The following ETS1 variants were observed in gnomAD, a reference collection of about 807,000 sequenced individuals.
ETS1 encodes the protein protein C-ets-1.
In ETS1, 15 loss-of-function variants were observed where a neutral mutation model predicts 58.6. That is an observed-to-expected ratio of 0.26 (90% CI 0.17 to 0.39). ETS1 has a LOEUF of 0.39. Ranked by LOEUF, ETS1 falls within the 10% of genes least tolerant of loss-of-function variation. The pLI, the probability that ETS1 is intolerant of heterozygous loss-of-function variation, is 1.00. For missense variants in ETS1, 417 were observed against 610.5 expected (o/e 0.68, Z 3.34); for synonymous variants, 214 against 218.2 (o/e 0.98, Z 0.17).
At chr11:128,489,165 A>T in intron 5 of ETS1, 125 bp downstream of exon 5, 1 of 779,160 alleles carries the variant, frequency 1.3e-6, no homozygotes, top group Non-Finnish European at 2.3e-6. Context: ...GCACATTCCC[A>T]CATACGTCCT....
chr11:128,527,451 G>C (rs1434816440), intron 3 of ETS1: 2 of 159,696 alleles, frequency 1.3e-5, no homozygotes, highest in African/African-American at 4.8e-5. Flanking sequence ...AGGGTTCTGA[G>C]GTCTCATCCA....
chr11:128,480,230 T>C lies in ETS1; in HGVS notation c.1084A>G (p.Lys362Glu), dbSNP rs748395139. ...AGGGCAGCAGCAGGAATGACAGGCTTGTCCTTATTGAGGTCAGCACGGTCC... is the reference window on the plus strand; with the variant it reads ...AGGGCAGCAGCAGGAATGACAGGCTCGTCCTTATTGAGGTCAGCACGGTCC... ...VRDRADLNKD[K>E]PVIPAAALAG... is the part of the protein sequence containing the mutation. Residue 362 changes from lysine (K) to glutamate (E), a missense_variant, in exon 8 of 10, where the codon AAG (lysine) becomes GAG (glutamate). This residue lies in a region of ETS1 where 139 missense variants were observed against 152.1 expected (regional missense o/e 0.91). Transcript: ENST00000392668. 6.2e-7 allele frequency: 1 copy of C among 1,614,050 alleles called. No individual in the cohort carries two copies. The highest frequency in any genetic ancestry group is 8.5e-7 in the Non-Finnish European group (1 of 1,180,020).
intron 2 of ETS1, chr11:128,572,433 C>A (rs530395663): frequency 6.6e-6 from 1 of 152,250 alleles, no homozygotes; most frequent in Non-Finnish European, 1.5e-5. Context: ...AATACTGGAA[C>A]TGATCAATAT....
At chr11:128,581,706 A>G (rs919551222) in intron 1 of ETS1, among the ~76,000 whole-genome samples, 2 of 152,178 alleles carry the variant, frequency 1.3e-5, no homozygotes, top group African/African-American at 2.4e-5. Context: ...CTCTAATCCA[A>G]TGAATGCTGC....
intron 1 of ETS1, among the ~76,000 whole-genome samples, chr11:128,585,348 C>CAAGGAAGG (rs973321049): frequency 2.8e-4 from 32 of 113,188 alleles, no homozygotes; most frequent in African/African-American, 8.7e-4. Context: ...AGGAAGGAAG[C>CAAGGAAGG]AAGGAAGGAA....
chr11:128,570,877 G>A (rs1216663074), intron 2 of ETS1, among the ~76,000 whole-genome samples: 4 of 152,166 alleles, frequency 2.6e-5, no homozygotes, highest in Non-Finnish European at 4.4e-5. Flanking sequence ...CTCCTTGCCT[G>A]GACTTGTCGT....
intron 3 of ETS1, among the ~76,000 whole-genome samples, chr11:128,511,633 T>A (rs1479598050): frequency 6.6e-6 from 1 of 152,244 alleles, no homozygotes; most frequent in Non-Finnish European, 1.5e-5. Context: ...GCATAAAATA[T>A]GTGGGTGAAA....
At chr11:128,514,509 CT>C (rs1863472692) in intron 3 of ETS1, among the ~76,000 whole-genome samples, 1 of 152,166 alleles carries the variant, frequency 6.6e-6, no homozygotes, top group African/African-American at 2.4e-5. Context: ...GTTCTTACAC[CT>C]CCTTCAAATG....
chr11:128,520,858 A>C lies in ETS1; in HGVS notation c.215-30282T>G, dbSNP rs532407492. ...GTAAGCAATAAATTATGGCAGAGGC[A>C]AAGAAGTGTTAACCACAGGGGGCAG... On this transcript the variant is annotated intron_variant, in intron 3 of 9. Transcript: ENST00000392668. Among the ~76,000 whole-genome samples, 117 of 152,368 alleles carry C rather than the reference A, an allele frequency of 7.7e-4. 2 individuals are homozygous for C. In the South Asian group the frequency reaches 0.015, roughly 19 times the overall value.
At chr11:128,483,425 C>A (rs1294170447) in intron 7 of ETS1, among the ~76,000 whole-genome samples, 1 of 152,024 alleles carries the variant, frequency 6.6e-6, no homozygotes, top group Non-Finnish European at 1.5e-5. Context: ...ACAGAAAGTC[C>A]CACAAGGAAG....
intron 3 of ETS1, among the ~76,000 whole-genome samples, chr11:128,514,324 C>A (rs1257888499): frequency 6.6e-6 from 1 of 152,146 alleles, no homozygotes; most frequent in African/African-American, 2.4e-5. Context: ...CTTTCAAAGG[C>A]AAAATTCATC....
At chr11:128,572,508 G>A (rs1199001856) in intron 2 of ETS1, among the ~76,000 whole-genome samples, 1 of 152,136 alleles carries the variant, frequency 6.6e-6, no homozygotes, top group African/African-American at 2.4e-5. Context: ...CTATTGATCA[G>A]CATATAGCTT....
rs930150183 is a variant in ETS1 at position 128,474,517 on chromosome 11, C to T, written c.1123+5674G>A. On this transcript the variant is annotated intron_variant, in intron 8 of 9. Transcript: ENST00000392668. ...GAGGCAGAAACAGTGGAATTACTCA[C>T]AGGCAATAGAAAAGAGCTTTGCCTC... 8.5e-5 allele frequency among the ~76,000 whole-genome samples: 13 copies of T among 152,352 alleles called. 1 individual carries two copies. The highest frequency in any genetic ancestry group is 8.5e-4 in the Admixed American group (13 of 15,310).
In ETS1 at chr11:128,587,470, G is replaced by T. The variant is rs1180958931; in HGVS notation, c.-15+18C>A. ...AGGAAAATGGACTGAAAAGTTTTAG[G>T]CAGAAACTGACACACACCTCACTTA... On this transcript the variant is annotated intron_variant, in intron 1 of 9. Coordinates refer to ENST00000392668, the MANE Select transcript of ETS1 (RefSeq NM_001143820.2). 6.6e-6 allele frequency: 1 copy of T among 152,308 alleles called. No individual in the cohort carries two copies. The highest frequency in any genetic ancestry group is 1.5e-5 in the Non-Finnish European group (1 of 68,034). The allele number at this position is 152,308 out of a possible 1,614,324, so 9.4% of individuals were successfully genotyped here. A position where few individuals can be genotyped will look rare whatever the true frequency, so the allele number is the denominator to read the frequency against.
rs1862735841 is a variant in ETS1 at position 128,489,459 on chromosome 11, C to A, written c.366G>T (p.Arg122=). ...CATTCACAGCCCACATCACCCAGTC[C>A]CGAACATGGGTTTCTGTCCACTGCC... The part of the protein sequence containing the change: ...DPRQWTETHV[R]DWVMWAVNEF... Residue 122 remains arginine, a synonymous_variant, in exon 5 of 10, where the codon CGG becomes CGT. Transcript: ENST00000392668. 1 of 1,613,952 alleles carries A rather than the reference C, an allele frequency of 6.2e-7. No homozygotes were observed. The highest frequency in any genetic ancestry group is 8.5e-7 in the Non-Finnish European group (1 of 1,180,032).
chr11:128,480,520 A>AAAC, intron 7 of ETS1, 69 bp from the exon 8 acceptor site: 1 of 1,090,854 alleles, frequency 9.2e-7, no homozygotes, highest in South Asian at 1.4e-5. Context: ...AAAACTGTAA[A>AAAC]AACCCTCTTA....
Position 128,460,122 on chromosome 11 carries a change from C to T in ETS1, c.*2239G>A, listed in dbSNP as rs1180257557. 1.3e-5 allele frequency: 2 copies of T among 152,192 alleles called. No individual in the cohort carries two copies. Among genetic ancestry groups the T allele is most frequent in the East Asian group, 1.9e-4 (1 of 5,288 alleles). 9.4% of individuals were successfully genotyped at this position (152,192 alleles called of 1,614,324 possible). ...CACACACACACACACACACAACATT[C>T]ACACACATGCACACATTCACACACA... On this transcript the variant is annotated 3_prime_UTR_variant, in exon 10 of 10. Coordinates refer to ENST00000392668, the MANE Select transcript of ETS1 (RefSeq NM_001143820.2).
At chr11:128,514,042 G>C (rs1055951781) in intron 3 of ETS1, among the ~76,000 whole-genome samples, 9 of 152,098 alleles carry the variant, frequency 5.9e-5, no homozygotes, top group Non-Finnish European at 8.8e-5. Flanking sequence ...GGCACATAGT[G>C]GGAGACCCTA....
chr11:128,519,989 T>C (rs577046241), intron 3 of ETS1, among the ~76,000 whole-genome samples: 1 of 152,354 alleles, frequency 6.6e-6, no homozygotes, highest in Non-Finnish European at 1.5e-5. Flanking sequence ...GACTGCCCAA[T>C]TTCTTTGGCC....
Sources: gnomAD v4.1 joint callset for allele counts (sites outside exome capture counted in the v4.1 genomes callset) on GRCh38, gnomAD v4.1.1 for gene constraint, gnomAD v4.1.1 regional missense constraint, MANE v1.5 for transcripts, NCBI Gene and HGNC (gene_info 2026-07-23, HGNC 2026-07-21) for gene names.